EIF4G3: variants seen among roughly 807,000 people sequenced by gnomAD.
EIF4G3 encodes the protein eIF-4-gamma 3.
A neutral mutation model predicts 186.4 loss-of-function variants in EIF4G3; 34 were observed. The ratio of observed to expected loss-of-function variants is 0.18; its 90% CI spans 0.14 to 0.24. The LOEUF is 0.24. Ranked by LOEUF, EIF4G3 falls within the 10% of genes least tolerant of loss-of-function variation. The pLI is 1.00. For synonymous variants in EIF4G3, 673 were observed against 679.5 expected (o/e 0.99, Z 0.15); for missense variants, 1,536 against 1,948.5 (o/e 0.79, Z 3.99).
chr1:20,981,701 TACTGTATGTATACATACATGTATAC>T (rs2078265810), intron 8 of EIF4G3, among the ~76,000 whole-genome samples: 1 of 139,512 alleles, frequency 7.2e-6, no homozygotes, highest in African/African-American at 2.6e-5. Context: ...TATACGCACA[TACTGTATGTATACATACATGTATAC>T]GCACATACTG....
chr1:21,173,583 G>A (rs1009314486), intron 2 of EIF4G3, among the ~76,000 whole-genome samples: 1 of 152,232 alleles, frequency 6.6e-6, no homozygotes, highest in African/African-American at 2.4e-5. Context: ...AGCTACTCAG[G>A]AGGCTGAGGC....
At chr1:20,981,425 A>C (rs2154566592) in intron 8 of EIF4G3, among the ~76,000 whole-genome samples, 198 bp from the exon 9 acceptor site, 1 of 152,116 alleles carries the variant, frequency 6.6e-6, no homozygotes, top group African/African-American at 2.4e-5. Flanking sequence ...CAGTATCATC[A>C]CATATTTGAA....
At chr1:21,009,413 T>A (rs981162418) in intron 4 of EIF4G3, among the ~76,000 whole-genome samples, 5 of 152,140 alleles carry the variant, frequency 3.3e-5, no homozygotes, top group African/African-American at 1.2e-4. Context: ...ATTCCTGGCT[T>A]CTAGCAATCC....
rs544324090 is a variant in EIF4G3 at position 20,858,858 on chromosome 1, G to A, written c.3245-1361C>T. Among the ~76,000 whole-genome samples the A allele has an allele frequency of 2.1e-3, 314 of 152,218 alleles. 2 individuals are homozygous for A. The highest frequency in any genetic ancestry group is 7.2e-3 in the African/African-American group (298 of 41,540). ...AAAAATACAAAAAAATTAGCCAGGC[G>A]TGGTGGTGGGCGCCTGTAATCCCAG... On this transcript the variant is annotated intron_variant, in intron 24 of 36. Transcript: ENST00000602326.
chr1:20,949,069 A>G (rs2096091559), intron 13 of EIF4G3, among the ~76,000 whole-genome samples: 1 of 152,122 alleles, frequency 6.6e-6, no homozygotes, highest in Non-Finnish European at 1.5e-5. Flanking sequence ...AAATAATTCA[A>G]GAAAGTAAGA....
At chr1:21,049,336 G>A (rs191364881) in intron 4 of EIF4G3, among the ~76,000 whole-genome samples, 127 of 152,246 alleles carry the variant, frequency 8.3e-4, no homozygotes, top group African/African-American at 2.9e-3. Flanking sequence ...GTAAGCGTTT[G>A]CTCTTTATAT....
At chr1:20,957,322 A>T (rs1302688590) in intron 12 of EIF4G3, among the ~76,000 whole-genome samples, 1 of 152,200 alleles carries the variant, frequency 6.6e-6, no homozygotes, top group African/African-American at 2.4e-5. Context: ...TCAAGATGGA[A>T]AAATTATCTG....
At chr1:20,898,714 T>A (rs1403201195) in intron 16 of EIF4G3, among the ~76,000 whole-genome samples, 1 of 152,136 alleles carries the variant, frequency 6.6e-6, no homozygotes, top group Admixed American at 6.5e-5. Flanking sequence ...GGAAAACTTT[T>A]CACCTACTCC....
At chr1:20,913,132 G>C (rs1242848290) in intron 14 of EIF4G3, among the ~76,000 whole-genome samples, 2 of 152,100 alleles carry the variant, frequency 1.3e-5, no homozygotes, top group East Asian at 1.9e-4. Context: ...TGGTAATTAG[G>C]CTTCCCATGG....
chr1:20,913,554 A>G (rs1414473579), intron 14 of EIF4G3, among the ~76,000 whole-genome samples: 5 of 152,202 alleles, frequency 3.3e-5, no homozygotes, highest in South Asian at 4.1e-4. Flanking sequence ...CCAGATATCT[A>G]TAACACAATT....
At chr1:21,000,598 A>C (rs2083288152) in intron 6 of EIF4G3, among the ~76,000 whole-genome samples, 1 of 152,022 alleles carries the variant, frequency 6.6e-6, no homozygotes, top group Non-Finnish European at 1.5e-5. Context: ...CAGCACAAAA[A>C]AAAAACAAAA....
chr1:21,003,689 G>C, intron 4 of EIF4G3: 1 of 358,258 alleles, frequency 2.8e-6, no homozygotes, highest in South Asian at 2.4e-5. Context: ...CTAGATCTTT[G>C]AGTTGCACAT....
chr1:20,842,745 T>C (rs761266520), intron 29 of EIF4G3, among the ~76,000 whole-genome samples: 17 of 152,346 alleles, frequency 1.1e-4, no homozygotes, highest in Non-Finnish European at 2.5e-4. Context: ...CAGACAGTCT[T>C]AGTTTGTTAA....
chr1:21,086,986 A>G (rs2096005086), intron 3 of EIF4G3, among the ~76,000 whole-genome samples: 1 of 151,974 alleles, frequency 6.6e-6, no homozygotes, highest in South Asian at 2.1e-4. Context: ...GACATCTGGG[A>G]AACTCTGAAA....
intron 30 of EIF4G3, among the ~76,000 whole-genome samples, chr1:20,838,134 G>A (rs1168724494): frequency 3.3e-5 from 5 of 152,166 alleles, no homozygotes; most frequent in Non-Finnish European, 1.5e-5. Context: ...CTGTAGCCAC[G>A]TCTGGTTATG....
At chr1:20,807,760 T>G (rs1470166112) in intron 36 of EIF4G3, among the ~76,000 whole-genome samples, 5 of 137,746 alleles carry the variant, frequency 3.6e-5, no homozygotes, top group African/African-American at 1.1e-4. Context: ...TTTCTGTTTT[T>G]TTTTTTTTTT....
intron 13 of EIF4G3, among the ~76,000 whole-genome samples, chr1:20,945,473 G>A (rs920121624): frequency 3.3e-5 from 5 of 152,060 alleles, no homozygotes; most frequent in South Asian, 4.1e-4. Flanking sequence ...GATATGTTTT[G>A]TTCTGTTTCT....
At chr1:21,056,127 C>A (rs1406257039) in intron 3 of EIF4G3, among the ~76,000 whole-genome samples, 1 of 152,136 alleles carries the variant, frequency 6.6e-6, no homozygotes, top group African/African-American at 2.4e-5. Context: ...AGGGGTATAT[C>A]CCTATGGTAT....
At chr1:21,151,302 G>A (rs533478547) in intron 2 of EIF4G3, among the ~76,000 whole-genome samples, 8 of 123,772 alleles carry the variant, frequency 6.5e-5, no homozygotes, top group Non-Finnish European at 1.1e-4. Flanking sequence ...GCAGTGGCAC[G>A]ATCTCGGCTC....
Sources: allele counts gnomAD v4.1 joint callset (sites outside exome capture counted in the v4.1 genomes callset), GRCh38; gene constraint gnomAD v4.1.1; transcripts MANE v1.5; gene names NCBI Gene and HGNC (gene_info 2026-07-23, HGNC 2026-07-21).